NPAS3: variants seen among roughly 807,000 people sequenced by gnomAD.
NPAS3 encodes neuronal PAS domain protein 3.
NPAS3 carries 14 observed loss-of-function variants against 73.1 expected under a neutral mutation model. The ratio of observed to expected loss-of-function variants is 0.19; its 90% confidence interval spans 0.13 to 0.30. The LOEUF (loss-of-function observed/expected upper bound fraction) is 0.30. Ranked by LOEUF, NPAS3 falls within the 10% of genes least tolerant of loss-of-function variation. The probability of loss-of-function intolerance (pLI) is 1.00; values close to 1 mark genes in which losing one functional copy is unlikely to be tolerated. For missense variants in NPAS3, 1,096 were observed against 1,250.0 expected, an observed-to-expected ratio of 0.88 and a Z score of 1.86; for synonymous variants, 620 against 541.5, an observed-to-expected ratio of 1.14 and a Z score of -2.01.
chr14:33,388,986 C>A (rs1219676728), intron 4 of NPAS3, among the ~76,000 whole-genome samples: 2 of 149,406 alleles, frequency 1.3e-5, no homozygotes, highest in African/African-American at 5.1e-5. Context: ...GTTCCCTTCT[C>A]ACCTTTGTGG....
At chr14:32,992,869 T>C (rs2038391276) in intron 1 of NPAS3, among the ~76,000 whole-genome samples, 1 of 151,992 alleles carries the variant, frequency 6.6e-6, no homozygotes, top group Non-Finnish European at 1.5e-5. Flanking sequence ...AATTATGGTC[T>C]CTCGGCAGGG....
Position 32,969,025 on chromosome 14 carries a change from G to A in NPAS3, c.50+29659G>A, listed in dbSNP as rs2037310844. Among the ~76,000 whole-genome samples the A allele has an allele frequency of 3.3e-5, 5 of 152,134 alleles. 1 individual carries two copies. The South Asian group carries it at 1.0e-3, about 32-fold the overall frequency. Reference sequence around the variant, plus strand: ...TTCCACTTAAAAGTGAGAACATGCAGTGTTTGTTTTTTTGTTCCTGCGTTA... The same window carrying A: ...TTCCACTTAAAAGTGAGAACATGCAATGTTTGTTTTTTTGTTCCTGCGTTA... On this transcript the variant is annotated intron_variant, in intron 1 of 11. Coordinates refer to ENST00000356141, the Ensembl canonical transcript of NPAS3.
At chr14:33,216,998 G>C (rs1186779536) in intron 3 of NPAS3, among the ~76,000 whole-genome samples, 1 of 152,132 alleles carries the variant, frequency 6.6e-6, no homozygotes, top group Non-Finnish European at 1.5e-5. Flanking sequence ...CCCGAGAATG[G>C]ATAAACAAAA....
chr14:33,732,860 G>GCTCACGTGAAGCTTGTGTCT (rs57667698), intron 6 of NPAS3, among the ~76,000 whole-genome samples: 2,536 of 152,236 alleles, frequency 0.017, 81 homozygotes, highest in African/African-American at 0.058. Flanking sequence ...TGGCTCCACA[G>GCTCACGTGAAGCTTGTGTCT]CTCACGTGAA....
chr14:33,540,304 G>T (rs1356836462), intron 4 of NPAS3, among the ~76,000 whole-genome samples: 1 of 152,024 alleles, frequency 6.6e-6, no homozygotes, highest in Non-Finnish European at 1.5e-5. Context: ...AAAACAATCA[G>T]CCCAATACCT....
intron 6 of NPAS3, among the ~76,000 whole-genome samples, chr14:33,708,281 G>C (rs1407474886): frequency 3.9e-5 from 6 of 152,214 alleles, no homozygotes; most frequent in Non-Finnish European, 7.3e-5. Context: ...GAAGACTTAG[G>C]TGCTTTAGAA....
intron 1 of NPAS3, among the ~76,000 whole-genome samples, chr14:32,942,273 A>G (rs2036049837): frequency 1.3e-5 from 2 of 152,204 alleles, no homozygotes; most frequent in Admixed American, 6.5e-5. Flanking sequence ...AGAGAAAAAT[A>G]TATCTTTTGA....
At chr14:33,400,927 T>C (rs2047418164) in intron 4 of NPAS3, among the ~76,000 whole-genome samples, 1 of 37,702 alleles carries the variant, frequency 2.7e-5, no homozygotes, top group Non-Finnish European at 6.9e-5. Context: ...TACATACTTT[T>C]TGTCTTTTTT....
intron 4 of NPAS3, among the ~76,000 whole-genome samples, chr14:33,384,311 G>A (rs1197270220): frequency 4.6e-5 from 7 of 151,782 alleles, no homozygotes; most frequent in South Asian, 2.1e-4. Context: ...TAAAATGGAC[G>A]GATTTTGAGA....
At chr14:33,210,635 A>G (rs1221219869) in intron 2 of NPAS3, among the ~76,000 whole-genome samples, 10 of 152,150 alleles carry the variant, frequency 6.6e-5, no homozygotes, top group Non-Finnish European at 1.5e-4. Context: ...TGCCATTTAA[A>G]AACCTTCAAT....
intron 4 of NPAS3, among the ~76,000 whole-genome samples, chr14:33,369,174 G>T (rs2045968296): frequency 6.6e-6 from 1 of 152,072 alleles, no homozygotes; most frequent in Admixed American, 6.6e-5. Flanking sequence ...GGGGCTGCAA[G>T]CTCGTTCCCA....
At chr14:33,132,518 T>A (rs2043678751) in intron 2 of NPAS3, among the ~76,000 whole-genome samples, 1 of 151,966 alleles carries the variant, frequency 6.6e-6, no homozygotes, top group South Asian at 2.1e-4. Context: ...GAGATGGAAA[T>A]TGAGATTGAT....
chr14:33,139,711 T>C (rs1055282373), intron 2 of NPAS3, among the ~76,000 whole-genome samples: 3 of 152,220 alleles, frequency 2.0e-5, no homozygotes, highest in African/African-American at 7.2e-5. Context: ...TTTTAATTAG[T>C]AACATGAAAT....
chr14:33,319,141 G>T (rs77071375), intron 3 of NPAS3, among the ~76,000 whole-genome samples: 5,119 of 151,928 alleles, frequency 0.034, 276 homozygotes, highest in East Asian at 0.19. Flanking sequence ...GGATAGTTTG[G>T]TCTTTTTCAT....
chr14:32,985,984 A>C (rs2139432782), intron 1 of NPAS3, among the ~76,000 whole-genome samples: 1 of 152,290 alleles, frequency 6.6e-6, no homozygotes, highest in African/African-American at 2.4e-5. Flanking sequence ...AGCAGTAAGG[A>C]CATGGGGCTG....
intron 4 of NPAS3, among the ~76,000 whole-genome samples, chr14:33,551,970 C>T (rs1156456917): frequency 6.6e-6 from 1 of 152,146 alleles, no homozygotes; most frequent in Non-Finnish European, 1.5e-5. Context: ...TGCCTTGGGG[C>T]TTTCTGTTTT....
chr14:33,390,423 GAAC>G (rs1374908872), intron 4 of NPAS3, among the ~76,000 whole-genome samples: 2 of 152,158 alleles, frequency 1.3e-5, no homozygotes, highest in Non-Finnish European at 2.9e-5. Context: ...GAGAAAAGAA[GAAC>G]GTGTTCTTGC....
chr14:33,481,645 G>C (rs983874861), intron 4 of NPAS3, among the ~76,000 whole-genome samples: 6 of 152,072 alleles, frequency 3.9e-5, no homozygotes, highest in African/African-American at 1.4e-4. Context: ...TGAAACTCCT[G>C]TTCCAATTTG....
chr14:33,779,329 G>A (rs1050517693), intron 9 of NPAS3, among the ~76,000 whole-genome samples: 5 of 152,182 alleles, frequency 3.3e-5, no homozygotes, highest in Non-Finnish European at 5.9e-5. Context: ...CTGGCTGTTC[G>A]CACTGTCCAT....
Sources: allele counts gnomAD v4.1 joint callset (sites outside exome capture counted in the v4.1 genomes callset), GRCh38; gene constraint gnomAD v4.1.1; transcripts MANE v1.5; gene names NCBI Gene and HGNC (gene_info 2026-07-23, HGNC 2026-07-21).